The following TTC28 variants were observed in gnomAD, a reference collection of about 807,000 sequenced individuals.
The protein encoded by TTC28 is tetratricopeptide repeat protein 28.
TTC28 carries 61 observed loss-of-function variants against 198.0 expected under a neutral mutation model. That is an observed-to-expected ratio of 0.31 (90% CI 0.25 to 0.38). TTC28 has a LOEUF of 0.38. Among genes scored for constraint, TTC28 ranks in the 10% least tolerant of loss-of-function variants. TTC28 has a pLI of 1.00. For missense variants in TTC28, 2,678 were observed against 3,164.0 expected (o/e 0.85, Z 3.69); for synonymous variants, 1,171 against 1,297.8 (o/e 0.90, Z 2.10).
chr22:28,270,167 C>A (rs972839024), intron 5 of TTC28, among the ~76,000 whole-genome samples: 1 of 151,724 alleles, frequency 6.6e-6, no homozygotes, highest in African/African-American at 2.4e-5. Context: ...AATCAATGCA[C>A]GTAAGGTATG....
At chr22:28,487,644 T>A (rs2048328766) in intron 2 of TTC28, among the ~76,000 whole-genome samples, 1 of 152,176 alleles carries the variant, frequency 6.6e-6, no homozygotes, top group Admixed American at 6.6e-5. Context: ...ATAACTGACA[T>A]AATTATAAGA....
At chr22:28,129,332 T>C (rs1206640496) in intron 6 of TTC28, among the ~76,000 whole-genome samples, 3 of 152,208 alleles carry the variant, frequency 2.0e-5, no homozygotes, top group Admixed American at 6.5e-5. Flanking sequence ...CCCAGACCAA[T>C]TAAATCCGAA....
intron 2 of TTC28, among the ~76,000 whole-genome samples, chr22:28,355,442 A>T (rs1383323522): frequency 6.6e-6 from 1 of 152,238 alleles, no homozygotes; most frequent in Admixed American, 6.5e-5. Flanking sequence ...TTTAAAAAAG[A>T]AGAATCAAGA....
At chr22:28,481,839 C>G (rs1386822519) in intron 2 of TTC28, among the ~76,000 whole-genome samples, 1 of 152,098 alleles carries the variant, frequency 6.6e-6, no homozygotes, top group East Asian at 1.9e-4. Context: ...CACACCACCC[C>G]CAAGCTGGAA....
chr22:28,029,725 C>T (rs1433514278), intron 13 of TTC28, among the ~76,000 whole-genome samples: 1 of 152,228 alleles, frequency 6.6e-6, no homozygotes, highest in Admixed American at 6.5e-5. Flanking sequence ...GAACTGAGGT[C>T]TTGGCACAGA....
chr22:28,162,966 A>G (rs1262751554), intron 6 of TTC28, 126 bp downstream of exon 6: 1 of 1,255,748 alleles, frequency 8.0e-7, no homozygotes, highest in African/African-American at 1.5e-5. Flanking sequence ...AAAAGAAAAG[A>G]GCACACACAA....
intron 2 of TTC28, among the ~76,000 whole-genome samples, chr22:28,392,678 GC>G: frequency 6.6e-6 from 1 of 152,244 alleles, no homozygotes; most frequent in Admixed American, 6.5e-5. Context: ...CCCGAGTGAG[GC>G]AATGCCTCGC....
At chr22:28,183,485 C>T (rs1390886618) in intron 5 of TTC28, among the ~76,000 whole-genome samples, 1 of 152,150 alleles carries the variant, frequency 6.6e-6, no homozygotes, top group Non-Finnish European at 1.5e-5. Context: ...TGGTACCCTC[C>T]TCATTCTGCT....
intron 3 of TTC28, among the ~76,000 whole-genome samples, chr22:28,302,330 A>T (rs2045043297): frequency 6.6e-6 from 1 of 152,202 alleles, no homozygotes; most frequent in Admixed American, 6.5e-5. Context: ...GTGCTCATAA[A>T]GAGGACCTTA....
At position 28,613,939 on chromosome 22, in the gene TTC28, G is replaced by C. The variant is rs1158364689; in HGVS notation, c.381+15613C>G. 2.0e-5 allele frequency among the ~76,000 whole-genome samples: 3 copies of C among 152,270 alleles called. No individual in the cohort carries two copies. The East Asian group carries it at 5.8e-4, about 29-fold the overall frequency. On this transcript the variant is annotated intron_variant, in intron 2 of 22. Coordinates refer to ENST00000397906, the MANE Select transcript of TTC28 (RefSeq NM_001145418.2). ...ATTCAACACAGTATTGGAAGTTCTG[G>C]CCAGAGAAATCAGGCAAGAGAAAGA...
At chr22:28,550,090 G>A (rs1408468474) in intron 2 of TTC28, among the ~76,000 whole-genome samples, 1 of 152,106 alleles carries the variant, frequency 6.6e-6, no homozygotes, top group African/African-American at 2.4e-5. Flanking sequence ...TTCCAGTGAT[G>A]AGATGCAACA....
chr22:28,410,891 C>A (rs925325562), intron 2 of TTC28, among the ~76,000 whole-genome samples: 2 of 152,028 alleles, frequency 1.3e-5, no homozygotes, highest in Non-Finnish European at 2.9e-5. Flanking sequence ...AGAATTCCAT[C>A]TTTAATGATG....
chr22:28,316,244 G>A (rs1363927633), intron 2 of TTC28, among the ~76,000 whole-genome samples: 2 of 152,122 alleles, frequency 1.3e-5, no homozygotes, highest in Admixed American at 6.6e-5. Context: ...GTGCCTGCAG[G>A]CTGTTCTTTT....
chr22:28,450,525 C>T (rs777599458), intron 2 of TTC28, among the ~76,000 whole-genome samples: 6 of 152,062 alleles, frequency 3.9e-5, no homozygotes, highest in African/African-American at 9.7e-5. Context: ...TGTAATTATC[C>T]GCACACAAGC....
At chr22:28,537,633 A>C (rs994116846) in intron 2 of TTC28, among the ~76,000 whole-genome samples, 12 of 152,194 alleles carry the variant, frequency 7.9e-5, no homozygotes, top group Non-Finnish European at 1.6e-4. Flanking sequence ...AAAAATTGAA[A>C]TTTTGTACAT....
intron 5 of TTC28, among the ~76,000 whole-genome samples, chr22:28,267,956 G>C (rs1170027117): frequency 1.3e-5 from 2 of 152,252 alleles, no homozygotes; most frequent in East Asian, 3.9e-4. Flanking sequence ...CATTTTCAAA[G>C]TTTAATATCA....
At chr22:28,515,764 T>C (rs1262114113) in intron 2 of TTC28, among the ~76,000 whole-genome samples, 2 of 152,148 alleles carry the variant, frequency 1.3e-5, no homozygotes, top group African/African-American at 4.8e-5. Context: ...TATAACTTAA[T>C]ACATCTTTTT....
chr22:28,551,768 A>T (rs911499507), intron 2 of TTC28, among the ~76,000 whole-genome samples: 4 of 152,204 alleles, frequency 2.6e-5, no homozygotes, highest in Non-Finnish European at 5.9e-5. Context: ...CACAGCCAAC[A>T]TTACACTTAA....
intron 2 of TTC28, among the ~76,000 whole-genome samples, chr22:28,313,240 A>G (rs2045297027): frequency 6.6e-6 from 1 of 152,248 alleles, no homozygotes; most frequent in African/African-American, 2.4e-5. Flanking sequence ...AAACAAAAAC[A>G]GTCTGGGACC....
Sources: allele counts gnomAD v4.1 joint callset (sites outside exome capture counted in the v4.1 genomes callset), GRCh38; gene constraint gnomAD v4.1.1; transcripts MANE v1.5; gene names NCBI Gene and HGNC (gene_info 2026-07-23, HGNC 2026-07-21).